ARHGEF7: variants seen among roughly 807,000 people sequenced by gnomAD.
ARHGEF7 encodes PAK-interacting exchange factor beta.
In ARHGEF7, 33 loss-of-function variants were observed where a neutral mutation model predicts 109.8. The ratio of observed to expected loss-of-function variants is 0.30; its 90% CI spans 0.23 to 0.40. ARHGEF7 has a LOEUF of 0.40. Ranked by LOEUF, ARHGEF7 falls within the 10% of genes least tolerant of loss-of-function variation. The pLI, the probability that ARHGEF7 is intolerant of heterozygous loss-of-function variation, is 1.00. For synonymous variants in ARHGEF7, 458 were observed against 424.6 expected, an observed-to-expected ratio of 1.08 and a Z score of -0.97; for missense variants, 938 against 1,098.5, an observed-to-expected ratio of 0.85 and a Z score of 2.07.
At chr13:111,203,393 T>G (rs901979745) in intron 2 of ARHGEF7, among the ~76,000 whole-genome samples, 7 of 152,258 alleles carry the variant, frequency 4.6e-5, no homozygotes, top group African/African-American at 1.7e-4. Context: ...TTGGGATTTC[T>G]TCTTAAATAA....
intron 13 of ARHGEF7, among the ~76,000 whole-genome samples, chr13:111,278,590 A>G (rs867568513): frequency 3.3e-5 from 5 of 152,176 alleles, no homozygotes; most frequent in African/African-American, 1.2e-4. Context: ...TGAATCACAT[A>G]TGTAGGAACA....
At chr13:111,164,405 G>A (rs1277577359) in intron 2 of ARHGEF7, among the ~76,000 whole-genome samples, 1 of 152,244 alleles carries the variant, frequency 6.6e-6, no homozygotes, top group African/African-American at 2.4e-5. Flanking sequence ...GCTGACTCCT[G>A]GCAAGGCCCA....
At chr13:111,278,363 T>C (rs956560531) in intron 13 of ARHGEF7, among the ~76,000 whole-genome samples, 2 of 152,150 alleles carry the variant, frequency 1.3e-5, no homozygotes, top group Non-Finnish European at 2.9e-5. Flanking sequence ...CCATCAACTT[T>C]CTGAGGACTG....
At chr13:111,181,002 G>A (rs1187046086) in intron 2 of ARHGEF7, among the ~76,000 whole-genome samples, 1 of 152,204 alleles carries the variant, frequency 6.6e-6, no homozygotes, top group Non-Finnish European at 1.5e-5. Flanking sequence ...TGAGTGTAGT[G>A]AAAGACTTAC....
At chr13:111,215,041 G>A (rs898217807) in intron 4 of ARHGEF7, among the ~76,000 whole-genome samples, 2 of 151,756 alleles carry the variant, frequency 1.3e-5, no homozygotes, top group South Asian at 4.2e-4. Context: ...CAGTAGGGAC[G>A]GCCACTTTTA....
intron 1 of ARHGEF7, among the ~76,000 whole-genome samples, chr13:111,147,866 T>G (rs1263623961): frequency 1.3e-5 from 2 of 151,528 alleles, no homozygotes; most frequent in Non-Finnish European, 2.9e-5. Flanking sequence ...CCCGGCTAAT[T>G]TTTTGTATTT....
chr13:111,282,826 T>C, intron 15 of ARHGEF7: 1 of 462,126 alleles, frequency 2.2e-6, no homozygotes, highest in East Asian at 3.7e-5. Context: ...ACCTTTTTTC[T>C]ATAAATGTTA....
intron 2 of ARHGEF7, among the ~76,000 whole-genome samples, chr13:111,164,197 G>A (rs2076954072): frequency 6.6e-6 from 1 of 152,344 alleles, no homozygotes; most frequent in Middle Eastern, 3.4e-3. Context: ...AGAGAAGATG[G>A]CAGTTCCCCA....
At position 111,209,909 on chromosome 13, in the gene ARHGEF7, C is replaced by G; in HGVS notation, c.375C>G (p.Pro125=). ...GGAGTGACTCCGTGTGTGCCCGGCC[C>G]TCGTCTCACCGCATAAAGTCTTTTG... The part of the protein sequence containing the change: ...GLGSDSVCAR[P]SSHRIKSFDS... Residue 125 remains proline, a synonymous_variant, in exon 4 of 22, where the codon CCC becomes CCG. Coordinates refer to ENST00000646102, the MANE Select transcript of ARHGEF7 (RefSeq NM_001354046.2). 1 of 1,614,198 alleles carries G rather than the reference C, an allele frequency of 6.2e-7. No homozygotes were observed. The highest frequency in any genetic ancestry group is 1.1e-5 in the South Asian group (1 of 91,080).
intron 7 of ARHGEF7, 108 bp from the exon 8 acceptor site, chr13:111,244,091 A>G (rs2088330631): frequency 8.5e-7 from 1 of 1,176,410 alleles, no homozygotes; most frequent in Admixed American, 2.2e-5. Context: ...TGCCTTAGAC[A>G]TCAGCTGTTT....
intron 1 of ARHGEF7, among the ~76,000 whole-genome samples, chr13:111,130,086 T>C (rs1449721758): frequency 2.0e-5 from 3 of 152,198 alleles, no homozygotes; most frequent in Admixed American, 1.3e-4. Context: ...CTCAAAATTA[T>C]GCTGAATAAA....
At chr13:111,170,524 T>C (rs575866098) in intron 2 of ARHGEF7, among the ~76,000 whole-genome samples, 1 of 152,222 alleles carries the variant, frequency 6.6e-6, no homozygotes, top group South Asian at 2.1e-4. Context: ...TGGGTGAGAA[T>C]TGATCATGTT....
At chr13:111,275,184 C>T (rs2092406352) in intron 11 of ARHGEF7, among the ~76,000 whole-genome samples, 1 of 152,146 alleles carries the variant, frequency 6.6e-6, no homozygotes. Flanking sequence ...TCTGTTTCTT[C>T]TTTTCAGTCT....
chr13:111,237,766 A>G (rs1158606833), intron 6 of ARHGEF7, among the ~76,000 whole-genome samples: 4 of 152,368 alleles, frequency 2.6e-5, no homozygotes, highest in East Asian at 3.9e-4. Flanking sequence ...GTTAAGTGCA[A>G]TAACAGAATA....
chr13:111,136,777 A>G (rs905156337), intron 1 of ARHGEF7, among the ~76,000 whole-genome samples: 2 of 152,210 alleles, frequency 1.3e-5, no homozygotes, highest in African/African-American at 4.8e-5. Flanking sequence ...AGACACAAAA[A>G]ACCCTTCAAA....
intron 1 of ARHGEF7, among the ~76,000 whole-genome samples, chr13:111,153,325 C>T (rs1433244019): frequency 3.3e-5 from 5 of 152,316 alleles, no homozygotes; most frequent in Admixed American, 2.6e-4. Context: ...GCGGTGTCTG[C>T]GCTAGGGGCC....
intron 14 of ARHGEF7, 22 bp from the exon 15 acceptor site, chr13:111,280,516 A>AT: frequency 6.3e-7 from 1 of 1,580,412 alleles, no homozygotes; most frequent in African/African-American, 1.4e-5. Context: ...CACTCGGCCT[A>AT]TTTTTTCCTT....
In ARHGEF7 at chr13:111,195,490, C is replaced by T. The variant is rs140235106; in HGVS notation, c.253-9799C>T. On this transcript the variant is annotated intron_variant, in intron 2 of 21. Transcript: ENST00000646102. ...AGACCTTGAGGATAGTCGTCCAGGA[C>T]TGGAGATTAACACTGAGAAGGCCTC... Among the ~76,000 whole-genome samples, 980 of 152,304 alleles carry T rather than the reference C, an allele frequency of 6.4e-3. 7 individuals carry two copies. The highest frequency in any genetic ancestry group is 0.022 in the African/African-American group (927 of 41,546).
intron 2 of ARHGEF7, among the ~76,000 whole-genome samples, chr13:111,199,212 G>A (rs2080927640): frequency 6.6e-6 from 1 of 152,218 alleles, no homozygotes; most frequent in Non-Finnish European, 1.5e-5. Flanking sequence ...TCCTCGAAGG[G>A]CAGGGGGAGT....
Sources: allele counts gnomAD v4.1 joint callset (sites outside exome capture counted in the v4.1 genomes callset), GRCh38; gene constraint gnomAD v4.1.1; transcripts MANE v1.5; gene names NCBI Gene and HGNC (gene_info 2026-07-23, HGNC 2026-07-21).